SHC3: variants seen among roughly 807,000 people sequenced by gnomAD.
The protein encoded by SHC3 is SHC-transforming protein 3.
In SHC3, 15 loss-of-function variants were observed where a neutral mutation model predicts 60.4. The observed-to-expected ratio is 0.25, with a 90% CI of 0.17 to 0.38. SHC3 has a LOEUF of 0.38. Ranked by LOEUF, SHC3 falls within the 10% of genes least tolerant of loss-of-function variation. The pLI is 1.00. For missense variants in SHC3, 677 were observed against 786.1 expected (o/e 0.86, Z 1.66); for synonymous variants, 294 against 325.9 (o/e 0.90, Z 1.05).
At chr9:89,015,556 A>G (rs1424394598) in intron 11 of SHC3, among the ~76,000 whole-genome samples, 1 of 152,220 alleles carries the variant, frequency 6.6e-6, no homozygotes, top group East Asian at 1.9e-4. Context: ...ACATAAACAC[A>G]CATATATGTA....
intron 1 of SHC3, among the ~76,000 whole-genome samples, chr9:89,129,156 A>C (rs1826206196): frequency 6.6e-6 from 1 of 152,216 alleles, no homozygotes; most frequent in African/African-American, 2.4e-5. Context: ...AAAGGGTATC[A>C]GTGATTGAAG....
Position 89,069,322 on chromosome 9 carries a change from G to C in SHC3, c.783+1877C>G, listed in dbSNP as rs144702302. ...AGACCCTGTTGGATGAGTTCAACTGGGGAAGACTTCCACTTTCTGAATATG... is the reference window on the plus strand; with the variant it reads ...AGACCCTGTTGGATGAGTTCAACTGCGGAAGACTTCCACTTTCTGAATATG... On this transcript the variant is annotated intron_variant, in intron 5 of 11. Transcript: ENST00000375835. Among the ~76,000 whole-genome samples, 563 of 152,142 alleles carry C rather than the reference G, an allele frequency of 3.7e-3. 6 individuals carry two copies. The highest frequency in any genetic ancestry group is 0.013 in the African/African-American group (545 of 41,484).
intron 2 of SHC3, among the ~76,000 whole-genome samples, chr9:89,084,913 G>T (rs1825503569): frequency 6.6e-6 from 1 of 152,212 alleles, no homozygotes; most frequent in African/African-American, 2.4e-5. Flanking sequence ...TGGGTTGGAT[G>T]GGGCTGCCCA....
chr9:89,112,816 T>G (rs1486010332), intron 1 of SHC3, among the ~76,000 whole-genome samples, 190 bp from the exon 2 acceptor site: 4 of 152,178 alleles, frequency 2.6e-5, no homozygotes, highest in African/African-American at 9.6e-5. Flanking sequence ...ATATCATGAG[T>G]GGTTAGATTG....
intron 1 of SHC3, among the ~76,000 whole-genome samples, chr9:89,137,675 A>G (rs764194135): frequency 6.6e-6 from 1 of 152,212 alleles, no homozygotes; most frequent in Non-Finnish European, 1.5e-5. Flanking sequence ...GGGTGGAGAC[A>G]GAGTTCCTGT....
intron 1 of SHC3, among the ~76,000 whole-genome samples, chr9:89,114,138 T>A (rs1437670922): frequency 6.6e-6 from 1 of 152,184 alleles, no homozygotes; most frequent in Non-Finnish European, 1.5e-5. Flanking sequence ...ATTGTGGGAA[T>A]ACGGGAATAC....
intron 5 of SHC3, 85 bp downstream of exon 5, chr9:89,071,114 T>G (rs1248093639): frequency 2.4e-6 from 3 of 1,268,210 alleles, no homozygotes; most frequent in Admixed American, 2.0e-5. Context: ...TTTTTTACAG[T>G]GTCTTGCAAG....
At chr9:89,089,369 T>C (rs1383757957) in intron 2 of SHC3, among the ~76,000 whole-genome samples, 1 of 152,124 alleles carries the variant, frequency 6.6e-6, no homozygotes, top group Non-Finnish European at 1.5e-5. Context: ...AACGCTGATC[T>C]TGGAGTTAGG....
chr9:89,111,022 G>A (rs1289948750), intron 2 of SHC3, among the ~76,000 whole-genome samples: 1 of 152,086 alleles, frequency 6.6e-6, no homozygotes, highest in African/African-American at 2.4e-5. Flanking sequence ...AGCAGGACTT[G>A]TTCTGTGCCC....
chr9:89,020,513 G>A (rs1026488223), intron 11 of SHC3, among the ~76,000 whole-genome samples: 2 of 152,118 alleles, frequency 1.3e-5, no homozygotes, highest in South Asian at 2.1e-4. Context: ...TGTGACGTAC[G>A]TCCATGTCAA....
chr9:89,073,246 GAA>G (rs1344398301), intron 4 of SHC3, among the ~76,000 whole-genome samples: 1 of 152,226 alleles, frequency 6.6e-6, no homozygotes, highest in Non-Finnish European at 1.5e-5. Context: ...GAAAAAAAAT[GAA>G]AGTCATATTT....
intron 2 of SHC3, among the ~76,000 whole-genome samples, chr9:89,098,269 T>C (rs1825733836): frequency 6.6e-6 from 1 of 152,100 alleles, no homozygotes; most frequent in Non-Finnish European, 1.5e-5. Flanking sequence ...CAAAATGCAA[T>C]GTGTGATTCT....
intron 11 of SHC3, among the ~76,000 whole-genome samples, chr9:89,029,740 G>T (rs953687764): frequency 2.0e-5 from 3 of 152,202 alleles, no homozygotes; most frequent in African/African-American, 4.8e-5. Context: ...TAAAGACATT[G>T]TGAGGAAAAC....
At chr9:89,148,689 G>A (rs1406995878) in intron 1 of SHC3, among the ~76,000 whole-genome samples, 1 of 152,236 alleles carries the variant, frequency 6.6e-6, no homozygotes, top group Non-Finnish European at 1.5e-5. Flanking sequence ...AATATTACCT[G>A]GTAGTACACT....
intron 11 of SHC3, among the ~76,000 whole-genome samples, chr9:89,026,546 T>C (rs935659016): frequency 7.9e-5 from 12 of 152,224 alleles, no homozygotes; most frequent in African/African-American, 2.9e-4. Flanking sequence ...GATTAATATC[T>C]TATGTATAAA....
chr9:89,068,221 C>A (rs933836045), intron 5 of SHC3, among the ~76,000 whole-genome samples: 1 of 152,194 alleles, frequency 6.6e-6, no homozygotes, highest in Admixed American at 6.5e-5. Context: ...CTGTGCCTGG[C>A]CATTGTTCTG....
At chr9:89,013,642 C>A in intron 11 of SHC3, 67 bp from the exon 12 acceptor site, 2 of 1,540,672 alleles carry the variant, frequency 1.3e-6, no homozygotes, top group South Asian at 1.3e-5. Context: ...ATGGTTTGCT[C>A]AGAATCAGCC....
At chr9:89,061,465 T>C (rs11789781) in intron 6 of SHC3, among the ~76,000 whole-genome samples, 13,445 of 152,246 alleles carry the variant, frequency 0.088, 649 homozygotes, top group Middle Eastern at 0.11. Flanking sequence ...GTCTTCCCCA[T>C]GTGGGCTTCC....
intron 11 of SHC3, among the ~76,000 whole-genome samples, chr9:89,035,442 C>A (rs540707021): frequency 6.6e-6 from 1 of 152,142 alleles, no homozygotes; most frequent in South Asian, 2.1e-4. Flanking sequence ...CTCACACCAC[C>A]AGATGTTAGG....
Sources: allele counts gnomAD v4.1 joint callset (sites outside exome capture counted in the v4.1 genomes callset), GRCh38; gene constraint gnomAD v4.1.1; transcripts MANE v1.5; gene names NCBI Gene and HGNC (gene_info 2026-07-23, HGNC 2026-07-21).